Variants in FYCO1 observed in about 807,000 individuals in gnomAD.
The protein encoded by FYCO1 is FYVE and coiled-coil domain autophagy adaptor 1.
FYCO1 carries 122 observed loss-of-function variants against 165.1 expected under a neutral mutation model. That is an observed-to-expected ratio of 0.74 (90% CI 0.64 to 0.86). The LOEUF is 0.86. FYCO1 is among the 40% of genes least tolerant of loss of function. The probability of loss-of-function intolerance (pLI) is 0.00; values close to 1 mark genes in which losing one functional copy is unlikely to be tolerated. For synonymous variants in FYCO1, 648 were observed against 742.5 expected, an observed-to-expected ratio of 0.87 and a Z score of 2.07; for missense variants, 1,702 against 1,810.3, an observed-to-expected ratio of 0.94 and a Z score of 1.09.
At chr3:45,930,923 T>C in intron 16 of FYCO1, 148 bp downstream of exon 16, 1 of 770,042 alleles carries the variant, frequency 1.3e-6, no homozygotes, top group Non-Finnish European at 2.3e-6. Context: ...CCAGGTGCTC[T>C]GCCTTCTCTG....
intron 15 of FYCO1, among the ~76,000 whole-genome samples, chr3:45,933,573 T>C (rs887802012): frequency 3.0e-4 from 46 of 152,186 alleles, no homozygotes; most frequent in Admixed American, 2.6e-4. Context: ...CATTTCCCTG[T>C]TCTTTCCCAT....
intron 11 of FYCO1, among the ~76,000 whole-genome samples, chr3:45,961,315 C>T (rs902231547): frequency 6.6e-6 from 1 of 152,172 alleles, no homozygotes; most frequent in East Asian, 1.9e-4. Context: ...CATGGTGGCT[C>T]ATGCCTGTAC....
chr3:45,948,902 T>C (rs1374863136), intron 14 of FYCO1, among the ~76,000 whole-genome samples: 1 of 152,162 alleles, frequency 6.6e-6, no homozygotes, highest in Non-Finnish European at 1.5e-5. Context: ...ACCACCTCTA[T>C]GGGTTGGTGT....
chr3:45,960,783 C>G (rs1001717424), intron 11 of FYCO1, among the ~76,000 whole-genome samples: 3 of 152,144 alleles, frequency 2.0e-5, no homozygotes, highest in Non-Finnish European at 4.4e-5. Context: ...AAACTACAAA[C>G]CAATTCTATG....
At chr3:45,948,315 T>C (rs544379476) in intron 14 of FYCO1, 1 of 166,538 alleles carries the variant, frequency 6.0e-6, no homozygotes, top group East Asian at 1.9e-4. Context: ...GCATATGAGT[T>C]TCATAGCTAA....
At chr3:45,977,828 T>C (rs1009345366) in intron 4 of FYCO1, among the ~76,000 whole-genome samples, 1 of 152,176 alleles carries the variant, frequency 6.6e-6, no homozygotes, top group African/African-American at 2.4e-5. Context: ...ATGCTTCTTA[T>C]CCATTAACTC....
chr3:45,943,540 G>A (rs2125817057), intron 14 of FYCO1: 1 of 152,310 alleles, frequency 6.6e-6, no homozygotes, highest in East Asian at 1.9e-4. Context: ...CATCTCTGCT[G>A]GTGAGTCATT....
chr3:45,959,602 CCTT>C (rs1275642579), intron 11 of FYCO1, 60 bp from the exon 12 acceptor site: 1 of 1,544,818 alleles, frequency 6.5e-7, no homozygotes, highest in East Asian at 2.3e-5. Context: ...ATAGGATGAT[CCTT>C]CTTCATTTCA....
At chr3:45,932,889 T>A (rs550850055) in intron 15 of FYCO1, among the ~76,000 whole-genome samples, 1 of 152,196 alleles carries the variant, frequency 6.6e-6, no homozygotes, top group African/African-American at 2.4e-5. Context: ...GGAACAGACA[T>A]CTTTCTTGTA....
intron 14 of FYCO1, among the ~76,000 whole-genome samples, chr3:45,943,205 G>A (rs372250243): frequency 2.0e-5 from 3 of 152,182 alleles, no homozygotes; most frequent in East Asian, 3.9e-4. Flanking sequence ...CACCATCTTC[G>A]GTGGATGGCC....
Position 45,975,452 on chromosome 3 carries a change from C to T in FYCO1, c.289-107G>A, listed in dbSNP as rs751553. On this transcript the variant is annotated intron_variant, in intron 4 of 17. Transcript: ENST00000296137. ...AACACAGATACAGGGCAAAAAATGT[C>T]ACCCAATTTTACCCTATACGTTGTC... 0.41 allele frequency: 320,684 copies of T among 782,020 alleles called. 71,448 individuals are homozygous for T. The highest frequency in any genetic ancestry group is 0.64 in the East Asian group (24,360 of 37,976). 48.4% of individuals were successfully genotyped at this position (782,020 alleles called of 1,614,324 possible).
At position 45,931,238 on chromosome 3, in the gene FYCO1, C is replaced by T. The variant is rs767753745; in HGVS notation, c.4084G>A (p.Glu1362Lys). 2.5e-6 allele frequency: 4 copies of T among 1,613,868 alleles called. No homozygotes were observed. The highest frequency in any genetic ancestry group is 2.7e-5 in the African/African-American group (2 of 74,926). The change falls in exon 16 of 18, where the codon GAG (glutamate) becomes AAG (lysine). Residue 1362 changes from glutamate (E) to lysine (K), a missense_variant. Glu to Lys is a moderately conservative substitution (Grantham distance 56). Coordinates refer to ENST00000296137, the MANE Select transcript of FYCO1 (RefSeq NM_024513.4). ...LTVDEIASFGEGSRELFVRSS... is the reference protein window; with the variant it reads ...LTVDEIASFGKGSRELFVRSS... ...CTCACAAACAGCTCCCTGCTACCCT[C>T]CCCGAAGCTGGCGATCTCATCCACT...
intron 14 of FYCO1, among the ~76,000 whole-genome samples, chr3:45,939,446 G>C (rs1203685511): frequency 6.6e-6 from 1 of 152,158 alleles, no homozygotes; most frequent in Non-Finnish European, 1.5e-5. Flanking sequence ...CTTCAGCTTG[G>C]TGTCTACAAA....
At chr3:45,968,782 A>C in intron 7 of FYCO1, 79 bp from the exon 8 acceptor site, 1 of 1,553,886 alleles carries the variant, frequency 6.4e-7, no homozygotes, top group Non-Finnish European at 8.8e-7. Flanking sequence ...GAGTTTAATG[A>C]GAGCAGAGGT....
chr3:45,969,752 T>G lies in FYCO1; in HGVS notation c.553A>C (p.Thr185Pro), dbSNP rs768675841. ...TTCCACAGGTAAGCAGAAGAGCCAG[T>G]GGTCAGCGTCCTCCTGTGGGGCCAC... ...WPTFARRTLTTGSSAYLWKPP... is the reference protein window; with the variant it reads ...WPTFARRTLTPGSSAYLWKPP... Residue 185 changes from threonine (T) to proline (P), a missense_variant, in exon 7 of 18, where the codon ACT becomes CCT. Thr to Pro is a conservative substitution (Grantham distance 38). Coordinates refer to ENST00000296137, the MANE Select transcript of FYCO1 (RefSeq NM_024513.4). 1.2e-6 allele frequency: 2 copies of G among 1,613,770 alleles called. No homozygotes were observed. The highest frequency in any genetic ancestry group is 1.7e-6 in the Non-Finnish European group (2 of 1,179,922).
chr3:45,960,646 A>AT (rs1296397891), intron 11 of FYCO1, among the ~76,000 whole-genome samples: 4 of 152,330 alleles, frequency 2.6e-5, no homozygotes, highest in African/African-American at 9.6e-5. Context: ...ATTGGTTATA[A>AT]TTTTAATATC....
chr3:45,926,241 A>G (rs1703312558), intron 16 of FYCO1, among the ~76,000 whole-genome samples: 1 of 152,202 alleles, frequency 6.6e-6, no homozygotes, highest in South Asian at 2.1e-4. Flanking sequence ...TAAAAGCAAC[A>G]CCCAACCCTA....
In FYCO1 at chr3:45,967,029, C is replaced by T. The variant is rs760380127; in HGVS notation, c.2305G>A (p.Ala769Thr). ...TGCGCCTGAGACAGGGCTAGCTGGG[C>T]AGCCAGCTCACGGGCTTCATTGTCA... The part of the protein sequence containing the change: ...PTDNEARELA[A>T]QLALSQAQLE... Residue 769 changes from alanine to threonine, a missense_variant, in exon 8 of 18, where the codon GCC (alanine) becomes ACC (threonine). Coordinates refer to ENST00000296137, the MANE Select transcript of FYCO1 (RefSeq NM_024513.4). The T allele has an allele frequency of 5.0e-6, 8 of 1,613,216 alleles. No homozygotes were observed. The Admixed American group carries it at 1.2e-4, about 24-fold the overall frequency.
intron 14 of FYCO1, among the ~76,000 whole-genome samples, chr3:45,953,953 C>T (rs566780762): frequency 6.6e-6 from 1 of 152,354 alleles, no homozygotes; most frequent in African/African-American, 2.4e-5. Flanking sequence ...CTCGCCAAGC[C>T]TGATTAGTGT....
Sources: allele counts gnomAD v4.1 joint callset (sites outside exome capture counted in the v4.1 genomes callset), GRCh38; gene constraint gnomAD v4.1.1; transcripts MANE v1.5; gene names NCBI Gene and HGNC (gene_info 2026-07-23, HGNC 2026-07-21).